The following FAM222B variants were observed in gnomAD, a reference collection of about 807,000 sequenced individuals.
FAM222B encodes family with sequence similarity 222 member B.
Under a neutral mutation model 38.0 loss-of-function variants are expected in FAM222B, and 12 were observed. The observed-to-expected ratio is 0.32, with a 90% CI of 0.20 to 0.51. FAM222B has a LOEUF of 0.51. Among genes scored for constraint, FAM222B ranks in the 20% least tolerant of loss-of-function variants. The pLI, the probability that FAM222B is intolerant of heterozygous loss-of-function variation, is 0.97. For missense variants in FAM222B, 716 were observed against 754.2 expected, an observed-to-expected ratio of 0.95 and a Z score of 0.59; for synonymous variants, 329 against 317.2, an observed-to-expected ratio of 1.04 and a Z score of -0.40.
chr17:28,759,969 C>A lies in FAM222B; in HGVS notation c.83-93G>T. 3 of 1,270,154 alleles carry A rather than the reference C, an allele frequency of 2.4e-6. No individual in the cohort carries two copies. Among genetic ancestry groups the A allele is most frequent in the Non-Finnish European group, 3.2e-6 (3 of 935,170 alleles). The allele number at this position is 1,270,154 out of a possible 1,614,324, so 78.7% of individuals were successfully genotyped here. On this transcript the variant is annotated intron_variant, in intron 2 of 2. Transcript: ENST00000581407. This position sits in a 1 kb window ranked among gnomAD's most constrained non-coding sequence, Gnocchi z 4.8. ...CCTTCCAGATTCCCCTTTTGAGGGC[C>A]TGGGGTGGGGTGGGGAAATGACTAG...
chr17:28,841,356 C>T (rs1031370920), intron 1 of FAM222B, among the ~76,000 whole-genome samples: 4 of 152,172 alleles, frequency 2.6e-5, no homozygotes, highest in Non-Finnish European at 5.9e-5. Context: ...GCAGCCCTCC[C>T]AGCTTGTCTC....
chr17:28,821,176 G>A (rs2038205914), intron 1 of FAM222B, among the ~76,000 whole-genome samples: 1 of 151,902 alleles, frequency 6.6e-6, no homozygotes, highest in Admixed American at 6.6e-5. Context: ...GGATGGTCTC[G>A]ATCTCTTGAC....
At chr17:28,764,271 C>CCA (rs2035223138) in intron 2 of FAM222B, among the ~76,000 whole-genome samples, 1 of 43,844 alleles carries the variant, frequency 2.3e-5, no homozygotes, top group African/African-American at 7.3e-5. Context: ...GACTCCATCT[C>CCA]AAAAAAAAAA....
rs557325008 is a variant in FAM222B, at chr17:28,795,810, AC to A, written c.-40-29104del. Among the ~76,000 whole-genome samples the A allele has an allele frequency of 9.9e-4, 151 of 152,314 alleles. 1 individual carries two copies. In the Middle Eastern group the frequency reaches 0.037, roughly 38 times the overall value. ...AAACGCAATCAGAAAACCAGATTGT[AC>A]CTTGCCAATTACTATAATCTTAAAA... is the stretch of plus-strand genomic sequence containing the variant. On this transcript the variant is annotated intron_variant, in intron 1 of 2. Coordinates refer to ENST00000581407, the MANE Select transcript of FAM222B (RefSeq NM_001077498.3).
chr17:28,835,919 C>T (rs2038831854), intron 1 of FAM222B, among the ~76,000 whole-genome samples: 1 of 152,092 alleles, frequency 6.6e-6, no homozygotes, highest in Non-Finnish European at 1.5e-5. Flanking sequence ...AGGTGATCCT[C>T]CTGCCTAGGC....
intron 1 of FAM222B, among the ~76,000 whole-genome samples, chr17:28,853,390 G>A (rs1296517643): frequency 1.3e-5 from 2 of 151,532 alleles, no homozygotes; most frequent in African/African-American, 2.4e-5. Context: ...AAGAAAGAAT[G>A]GGAGAAGAGA....
chr17:28,789,854 T>A (rs1011865677), intron 1 of FAM222B, among the ~76,000 whole-genome samples: 1 of 152,200 alleles, frequency 6.6e-6, no homozygotes, highest in African/African-American at 2.4e-5. Context: ...AGATGCTTAG[T>A]TGGTGAGGGA....
At chr17:28,781,230 C>G (rs949626691) in intron 1 of FAM222B, among the ~76,000 whole-genome samples, 1 of 151,834 alleles carries the variant, frequency 6.6e-6, no homozygotes, top group Admixed American at 6.6e-5. Context: ...TCCACGAAGT[C>G]GACGCTGCAG....
At chr17:28,835,020 A>G (rs1188638076) in intron 1 of FAM222B, among the ~76,000 whole-genome samples, 2 of 75,006 alleles carry the variant, frequency 2.7e-5, no homozygotes, top group Non-Finnish European at 5.6e-5. Context: ...ACACTCAGCT[A>G]ATTTTGTGTG....
chr17:28,786,263 A>G (rs966163608), intron 1 of FAM222B, among the ~76,000 whole-genome samples: 1 of 152,186 alleles, frequency 6.6e-6, no homozygotes, highest in Non-Finnish European at 1.5e-5. Context: ...AACACTTTGA[A>G]ATCAATTCAT....
chr17:28,796,796 T>C (rs2036960313), intron 1 of FAM222B, among the ~76,000 whole-genome samples: 1 of 152,078 alleles, frequency 6.6e-6, no homozygotes, highest in African/African-American at 2.4e-5. Context: ...AGATGGTATT[T>C]GCAAAGTGGT....
intron 1 of FAM222B, among the ~76,000 whole-genome samples, chr17:28,778,264 C>T (rs993274392): frequency 6.6e-6 from 1 of 151,800 alleles, no homozygotes; most frequent in African/African-American, 2.4e-5. Flanking sequence ...CTCCACCCAC[C>T]GACAGGTCCT....
chr17:28,814,078 G>A (rs545724939), intron 1 of FAM222B, among the ~76,000 whole-genome samples: 6 of 151,808 alleles, frequency 4.0e-5, no homozygotes, highest in Admixed American at 6.6e-5. Context: ...AGGTAGCTAG[G>A]CGTGGTAACT....
intron 1 of FAM222B, among the ~76,000 whole-genome samples, chr17:28,853,609 T>C (rs1382367565): frequency 6.6e-6 from 1 of 152,210 alleles, no homozygotes; most frequent in African/African-American, 2.4e-5. Context: ...TTGTGTTGTA[T>C]TTTTGTTGCT....
At position 28,829,265 on chromosome 17, in the gene FAM222B, A is replaced by G. The variant is rs535607033; in HGVS notation, c.-41+13417T>C. Among the ~76,000 whole-genome samples the G allele has an allele frequency of 3.0e-3, 393 of 131,936 alleles. 1 individual carries two copies. Among genetic ancestry groups the G allele is most frequent in the African/African-American group, 0.01 (348 of 34,094 alleles). The allele number at this position is 131,936 out of a possible 152,430, so 86.6% of individuals were successfully genotyped here. On this transcript the variant is annotated intron_variant, in intron 1 of 2. Coordinates refer to ENST00000581407, the MANE Select transcript of FAM222B (RefSeq NM_001077498.3). ...GTTTCACTCTTGTTGCCTCAGCTGG[A>G]GTGCAATGGCGCCATCTTGGCTCAC...
In FAM222B at chr17:28,756,627, C is replaced by G. The variant is rs754043662; in HGVS notation, c.*1643G>C. ...GAAGCTACAGGTGCTCCTGGGGGAT[C>G]AGGACAGGGAGGTACCAGTGTTCAC... On this transcript the variant is annotated 3_prime_UTR_variant, in exon 3 of 3. Transcript: ENST00000581407. 2 of 152,444 alleles carry G rather than the reference C, an allele frequency of 1.3e-5. No homozygotes were observed. The highest frequency in any genetic ancestry group is 2.9e-5 in the Non-Finnish European group (2 of 68,066). The allele number at this position is 152,444 out of a possible 1,614,324, so 9.4% of individuals were successfully genotyped here.
intron 2 of FAM222B, among the ~76,000 whole-genome samples, chr17:28,764,703 C>T (rs1464085563): frequency 1.3e-5 from 2 of 151,462 alleles, no homozygotes; most frequent in Non-Finnish European, 2.9e-5. Flanking sequence ...GCCGAGATCA[C>T]GCCATTGCAC....
At chr17:28,802,029 GAA>G (rs1461615103) in intron 1 of FAM222B, among the ~76,000 whole-genome samples, 3 of 149,758 alleles carry the variant, frequency 2.0e-5, no homozygotes, top group Admixed American at 6.7e-5. Context: ...AAGAAAAAAA[GAA>G]AAAGAAAAAA....
intron 1 of FAM222B, chr17:28,854,826 C>T (rs1370347052): frequency 2.0e-6 from 1 of 504,944 alleles, no homozygotes; most frequent in African/African-American, 2.0e-5. Context: ...CCAAAACTAC[C>T]GTCATGCTTG....
Sources: allele counts gnomAD v4.1 joint callset (sites outside exome capture counted in the v4.1 genomes callset), GRCh38; gene constraint gnomAD v4.1.1; non-coding constraint Gnocchi (gnomAD v3.1); transcripts MANE v1.5; gene names NCBI Gene and HGNC (gene_info 2026-07-23, HGNC 2026-07-21).